Variants in DNAAF4 observed in about 807,000 individuals in gnomAD.
DNAAF4 encodes the protein dynein axonemal assembly factor 4, also known as dynein assembly factor 4, axonemal.
A neutral mutation model predicts 51.8 loss-of-function variants in DNAAF4; 43 were observed. The ratio of observed to expected loss-of-function variants is 0.83; its 90% confidence interval spans 0.65 to 1.07. DNAAF4 has a LOEUF of 1.07. DNAAF4 is among the 50% of genes least tolerant of loss of function. DNAAF4 has a pLI of 0.00. For missense variants in DNAAF4, 581 were observed against 493.0 expected (o/e 1.18, Z -1.69); for synonymous variants, 194 against 165.6 (o/e 1.17, Z -1.32).
chr15:55,444,473 G>T (rs552182569), intron 6 of DNAAF4, among the ~76,000 whole-genome samples: 1 of 152,168 alleles, frequency 6.6e-6, no homozygotes, highest in Non-Finnish European at 1.5e-5. Context: ...GAAGTCAGGT[G>T]GCATGATGCC....
chr15:55,449,493 T>C (rs1295118971), intron 6 of DNAAF4, among the ~76,000 whole-genome samples: 1 of 149,020 alleles, frequency 6.7e-6, no homozygotes, highest in African/African-American at 2.5e-5. Flanking sequence ...TGAAACCCCA[T>C]CTCTACTAAA....
intron 1 of DNAAF4, among the ~76,000 whole-genome samples, chr15:55,500,952 A>G (rs1031170327): frequency 6.9e-6 from 1 of 144,064 alleles, no homozygotes; most frequent in East Asian, 2.2e-4. Context: ...AGAGCGTGCC[A>G]TTGCACTCCA....
At chr15:55,443,512 G>A (rs2057748735) in intron 6 of DNAAF4, among the ~76,000 whole-genome samples, 1 of 152,208 alleles carries the variant, frequency 6.6e-6, no homozygotes, top group Admixed American at 6.5e-5. Context: ...AAACATACAT[G>A]TGCATGTGTC....
In DNAAF4 at chr15:55,473,369, G is replaced by GTGTATA. The variant is rs1555418830; in HGVS notation, c.406-6209_406-6208insTATACA. Among the ~76,000 whole-genome samples the GTGTATA allele has an allele frequency of 2.8e-3, 371 of 130,842 alleles. 16 individuals are homozygous for GTGTATA. Among genetic ancestry groups the GTGTATA allele is most frequent in the African/African-American group, 0.011 (351 of 32,780 alleles). The allele number at this position is 130,842 out of a possible 152,430, so 85.8% of individuals were successfully genotyped here. On this transcript the variant is annotated intron_variant, in intron 4 of 9. Transcript: ENST00000321149. ...TATGTGTGTATATATATGTGTGTGT[G>GTGTATA]TATATATATATATATGCAAACTTAA...
At chr15:55,465,801 G>T (rs1398656589) in intron 5 of DNAAF4, among the ~76,000 whole-genome samples, 1 of 152,032 alleles carries the variant, frequency 6.6e-6, no homozygotes, top group Non-Finnish European at 1.5e-5. Flanking sequence ...CCCAACCTCA[G>T]ATGATCTGCC....
Position 55,498,209 on chromosome 15 carries a change from T to G in DNAAF4, c.121A>C (p.Lys41Gln). The G allele has an allele frequency of 6.2e-7, 1 of 1,613,914 alleles. No homozygotes were observed. Among genetic ancestry groups the G allele is most frequent in the Non-Finnish European group, 8.5e-7 (1 of 1,179,920 alleles). Reference protein sequence around the residue: ...TDVFCTENYLKVNFPPFLFEA... With the variant: ...TDVFCTENYLQVNFPPFLFEA... ...GCAGGCAAGACTTGCATTCTTACCT[T>G]CAGATAGTTTTCCGTGCAGAACACG... Residue 41 changes from lysine (K) to glutamine (Q), a missense_variant and splice_region_variant, in exon 2 of 10, where the codon AAG (lysine) becomes CAG (glutamine). By Grantham distance (53) the Lys-to-Gln change is moderately conservative (BLOSUM62 1). Coordinates refer to ENST00000321149, the MANE Select transcript of DNAAF4 (RefSeq NM_130810.4).
chr15:55,462,218 G>T (rs2058102991), intron 5 of DNAAF4, among the ~76,000 whole-genome samples: 1 of 152,028 alleles, frequency 6.6e-6, no homozygotes, highest in South Asian at 2.1e-4. Context: ...TTAAGACAGG[G>T]TCTTGTTCTC....
chr15:55,460,432 G>A (rs528482631), intron 5 of DNAAF4, among the ~76,000 whole-genome samples: 2 of 152,010 alleles, frequency 1.3e-5, no homozygotes, highest in African/African-American at 4.8e-5. Context: ...CACCCGCCTC[G>A]GCCTCCCAAA....
chr15:55,468,089 C>T (rs1321902566), intron 4 of DNAAF4, among the ~76,000 whole-genome samples: 2 of 152,128 alleles, frequency 1.3e-5, no homozygotes, highest in Non-Finnish European at 2.9e-5. Context: ...GCTACTGAGA[C>T]TCAGGAACTG....
At chr15:55,465,627 C>G (rs2058160419) in intron 5 of DNAAF4, among the ~76,000 whole-genome samples, 1 of 148,610 alleles carries the variant, frequency 6.7e-6, no homozygotes, top group South Asian at 2.1e-4. Flanking sequence ...AATGCAATGG[C>G]ACGATCTCGG....
At chr15:55,444,183 C>T (rs913692900) in intron 6 of DNAAF4, among the ~76,000 whole-genome samples, 2 of 152,134 alleles carry the variant, frequency 1.3e-5, no homozygotes, top group African/African-American at 4.8e-5. Context: ...TTAGGTCTAA[C>T]ATTTAAGTCT....
At chr15:55,493,110 C>T (rs2058596408) in intron 3 of DNAAF4, among the ~76,000 whole-genome samples, 1 of 152,132 alleles carries the variant, frequency 6.6e-6, no homozygotes, top group African/African-American at 2.4e-5. Flanking sequence ...AGACTTGCCC[C>T]TTCCACCATG....
intron 8 of DNAAF4, among the ~76,000 whole-genome samples, chr15:55,432,846 A>G (rs1182693772): frequency 6.6e-6 from 1 of 151,826 alleles, no homozygotes; most frequent in African/African-American, 2.4e-5. Context: ...GCTACTTGGG[A>G]GGCTGAGGCG....
intron 4 of DNAAF4, among the ~76,000 whole-genome samples, chr15:55,477,150 C>CAACAGAAT (rs1358087704): frequency 1.3e-5 from 2 of 150,324 alleles, no homozygotes; most frequent in Non-Finnish European, 3.0e-5. Context: ...CCAGCCTGGG[C>CAACAGAAT]AACAGAATGA....
rs951547959 is a variant in DNAAF4 at position 55,507,016 on chromosome 15, A to T, written c.-256+1106T>A. 2.6e-5 allele frequency among the ~76,000 whole-genome samples: 4 copies of T among 151,908 alleles called. No homozygotes were observed. The East Asian group carries it at 7.8e-4, about 30-fold the overall frequency. Reference sequence around the variant, plus strand: ...AGGCACCCACCACCAAGCCTGGCTAATTTTTTGTATTTTTATTAGAGGTGG... The same window carrying T: ...AGGCACCCACCACCAAGCCTGGCTATTTTTTTGTATTTTTATTAGAGGTGG... On this transcript the variant is annotated intron_variant, in intron 1 of 9. Transcript: ENST00000321149.
intron 5 of DNAAF4, among the ~76,000 whole-genome samples, chr15:55,452,498 A>G (rs931891628): frequency 6.6e-6 from 1 of 152,054 alleles, no homozygotes; most frequent in Non-Finnish European, 1.5e-5. Flanking sequence ...TAAAAATAAG[A>G]TATATAATTT....
rs1194104650 is a variant in DNAAF4 at position 55,498,371 on chromosome 15, T to A, written c.-42A>T. 1.9e-6 allele frequency: 3 copies of A among 1,583,368 alleles called. No individual in the cohort carries two copies. The South Asian group carries it at 3.4e-5, about 18-fold the overall frequency. On this transcript the variant is annotated 5_prime_UTR_variant, in exon 2 of 10. Coordinates refer to ENST00000321149, the MANE Select transcript of DNAAF4 (RefSeq NM_130810.4). ...GCGGATAGCGCGGCTGGTTGCTTCT[T>A]GCGCCTGCTTGGTTGCTAGGGAAGC...
intron 4 of DNAAF4, among the ~76,000 whole-genome samples, chr15:55,484,044 C>T (rs2058451287): frequency 6.6e-6 from 1 of 151,488 alleles, no homozygotes; most frequent in Non-Finnish European, 1.5e-5. Flanking sequence ...AATGAGATAC[C>T]ACTTCACACC....
At chr15:55,498,662 T>G in intron 1 of DNAAF4, 78 bp from the exon 2 acceptor site, 2 of 198,928 alleles carry the variant, frequency 1.0e-5, no homozygotes, top group South Asian at 2.5e-4. Context: ...TCCCAGAACT[T>G]TGGGAGGCCG....
Sources: gnomAD v4.1 joint callset for allele counts (sites outside exome capture counted in the v4.1 genomes callset) on GRCh38, gnomAD v4.1.1 for gene constraint, MANE v1.5 for transcripts, NCBI Gene and HGNC (gene_info 2026-07-23, HGNC 2026-07-21) for gene names.